Variants in MSH4 observed in about 807,000 individuals in gnomAD.
MSH4 encodes mutS protein homolog 4.
MSH4 carries 106 observed loss-of-function variants against 113.7 expected under a neutral mutation model. The observed-to-expected ratio is 0.93, with a 90% CI of 0.80 to 1.10. The LOEUF (loss-of-function observed/expected upper bound fraction) is 1.10, where lower values mean the gene tolerates loss of function less well. Ranked by LOEUF, MSH4 falls within the 50% of genes least tolerant of loss-of-function variation. The pLI, the probability that MSH4 is intolerant of heterozygous loss-of-function variation, is 0.00. For missense variants in MSH4, 1,061 were observed against 1,093.7 expected, an observed-to-expected ratio of 0.97 and a Z score of 0.42; for synonymous variants, 368 against 380.2, an observed-to-expected ratio of 0.97 and a Z score of 0.37.
intron 9 of MSH4, among the ~76,000 whole-genome samples, chr1:75,870,983 A>G (rs1453145488): frequency 6.6e-6 from 1 of 152,230 alleles, no homozygotes; most frequent in Admixed American, 6.5e-5. Context: ...ATGACAGTTT[A>G]TTAGTCTGTT....
chr1:75,822,543 T>G lies in MSH4; in HGVS notation c.1124T>G (p.Leu375Arg). ...INMRLDCVQE[L>R]LQDEELFFGL... ...ATGAGATTAGATTGTGTTCAAGAAC[T>G]ACTTCAAGATGAGGAACTATTTTTT... is the stretch of plus-strand genomic sequence containing the variant. Residue 375 changes from leucine (L) to arginine (R), a missense_variant, in exon 7 of 20, where the codon CTA becomes CGA. Coordinates refer to ENST00000263187, the MANE Select transcript of MSH4 (RefSeq NM_002440.4). The G allele has an allele frequency of 6.4e-7, 1 of 1,551,258 alleles. No homozygotes were observed. The highest frequency in any genetic ancestry group is 2.2e-5 in the Admixed American group (1 of 46,452).
At chr1:75,911,448 T>A (rs1360825067) in intron 19 of MSH4, among the ~76,000 whole-genome samples, 2 of 152,134 alleles carry the variant, frequency 1.3e-5, no homozygotes, top group Non-Finnish European at 2.9e-5. Context: ...CTCCATCCTA[T>A]TCAAGCTTTT....
intron 18 of MSH4, 52 bp from the exon 19 acceptor site, chr1:75,899,566 A>T (rs566047731): frequency 1.2e-5 from 13 of 1,070,798 alleles, no homozygotes; most frequent in African/African-American, 1.7e-5. Context: ...AAGAAGCATA[A>T]AAATGCCAGC....
At chr1:75,830,047 A>G (rs1275457549) in intron 7 of MSH4, among the ~76,000 whole-genome samples, 3 of 152,110 alleles carry the variant, frequency 2.0e-5, no homozygotes, top group Non-Finnish European at 4.4e-5. Context: ...TTGAAAAAAG[A>G]TGAGACATAT....
rs192192838 is a variant in MSH4 at position 75,829,119 on chromosome 1, A to G, written c.1162+6538A>G. Among the ~76,000 whole-genome samples the G allele has an allele frequency of 1.8e-4, 27 of 152,292 alleles. No homozygotes were observed. The East Asian group carries it at 4.3e-3, about 24-fold the overall frequency. On this transcript the variant is annotated intron_variant, in intron 7 of 19. Transcript: ENST00000263187. ...CGCTTTTCCAATGGCCTTAGCAAAC[A>G]GCACACCAGGAGATTATATCCCGCA...
chr1:75,906,518 T>TATATACATA (rs796548331), intron 19 of MSH4, among the ~76,000 whole-genome samples: 1 of 1,770 alleles, frequency 5.6e-4, no homozygotes, highest in Non-Finnish European at 8.7e-4. Context: ...ATATATAATA[T>TATATACATA]GTATATATTA....
At chr1:75,879,940 CT>C in intron 12 of MSH4, 109 bp from the exon 13 acceptor site, 1 of 629,658 alleles carries the variant, frequency 1.6e-6, no homozygotes, top group South Asian at 2.0e-5. Context: ...GATACCATAT[CT>C]CAAAGAGTAA....
intron 19 of MSH4, among the ~76,000 whole-genome samples, chr1:75,900,067 T>G (rs1652474881): frequency 6.6e-6 from 1 of 152,074 alleles, no homozygotes; most frequent in South Asian, 2.1e-4. Flanking sequence ...TTTTTTATAG[T>G]TTTCAAAGCT....
chr1:75,853,413 C>G (rs1651237416), intron 8 of MSH4, among the ~76,000 whole-genome samples: 1 of 152,088 alleles, frequency 6.6e-6, no homozygotes, highest in African/African-American at 2.4e-5. Flanking sequence ...GGCAGAAATA[C>G]CACAGAAGTG....
chr1:75,848,264 A>G lies in MSH4; in HGVS notation c.1218A>G (p.Pro406=). 6.2e-7 allele frequency: 1 copy of G among 1,601,750 alleles called. No homozygotes were observed. Among genetic ancestry groups the G allele is most frequent in the Non-Finnish European group, 8.5e-7 (1 of 1,169,800 alleles). ...EQLLSVLVQI[P]KQDTVNAAES... ...TTCTTTCTGTTTTAGTCCAAATTCC[A>G]AAGCAAGACACGGTATGTTTTTGTA... The change falls in exon 8 of 20, where the codon CCA becomes CCG. Residue 406 remains proline, a synonymous_variant. Coordinates refer to ENST00000263187, the MANE Select transcript of MSH4 (RefSeq NM_002440.4).
rs760677979 is a variant in MSH4, at chr1:75,878,295, C to T, written c.1517C>T (p.Thr506Ile). The change falls in exon 11 of 20, where the codon ACA becomes ATA. Residue 506 changes from threonine to isoleucine, a missense_variant. By Grantham distance (89) the Thr-to-Ile change is moderately conservative. Coordinates refer to ENST00000263187, the MANE Select transcript of MSH4 (RefSeq NM_002440.4). ...EFLDIARRTY[T>I]EIVDDIAGMI... ...CTTGACATAGCAAGAAGAACATACA[C>T]AGAGATTGTAGATGACATAGCAGGT... 2 of 1,597,692 alleles carry T rather than the reference C, an allele frequency of 1.3e-6. No homozygotes were observed. Among genetic ancestry groups the T allele is most frequent in the Non-Finnish European group, 1.7e-6 (2 of 1,175,870 alleles).
intron 7 of MSH4, among the ~76,000 whole-genome samples, chr1:75,844,328 T>A (rs955855601): frequency 1.6e-4 from 24 of 152,316 alleles, no homozygotes; most frequent in African/African-American, 5.5e-4. Flanking sequence ...TTTATATTTA[T>A]TTTTATTAAT....
At chr1:75,820,752 T>C (rs952168460) in intron 6 of MSH4, among the ~76,000 whole-genome samples, 3 of 152,104 alleles carry the variant, frequency 2.0e-5, no homozygotes, top group Admixed American at 6.6e-5. Flanking sequence ...CAATTTTGTT[T>C]ATCTTTTCAA....
In MSH4 at chr1:75,886,357, T is replaced by C. The variant is rs1346789750; in HGVS notation, c.2107+2536T>C. 1.3e-4 allele frequency among the ~76,000 whole-genome samples: 6 copies of C among 46,086 alleles called. 2 individuals carry two copies. Among genetic ancestry groups the C allele is most frequent in the Non-Finnish European group, 2.7e-4 (6 of 22,584 alleles). 30.2% of individuals were successfully genotyped at this position (46,086 alleles called of 152,430 possible). On this transcript the variant is annotated intron_variant, in intron 15 of 19. Coordinates refer to ENST00000263187, the MANE Select transcript of MSH4 (RefSeq NM_002440.4). ...ATGATGTATTATATATTATATATGG[T>C]ATATATGATGTATTATATATTATAT...
intron 19 of MSH4, among the ~76,000 whole-genome samples, chr1:75,906,245 C>A (rs1023458647): frequency 6.7e-6 from 1 of 150,224 alleles, no homozygotes; most frequent in Non-Finnish European, 1.5e-5. Context: ...TTTTTTTAAT[C>A]CATTTAGACA....
intron 7 of MSH4, among the ~76,000 whole-genome samples, chr1:75,829,193 C>T (rs1650626028): frequency 6.6e-6 from 1 of 152,154 alleles, no homozygotes; most frequent in East Asian, 1.9e-4. Context: ...ACTGCTAGCA[C>T]AGCAGTCTGA....
chr1:75,875,186 G>A (rs1402236947), intron 9 of MSH4, among the ~76,000 whole-genome samples: 1 of 152,164 alleles, frequency 6.6e-6, no homozygotes, highest in African/African-American at 2.4e-5. Flanking sequence ...GAGCCATGGC[G>A]CCAGGCCAAT....
At chr1:75,881,154 C>T (rs893205901) in intron 13 of MSH4, 92 bp from the exon 14 acceptor site, 1 of 966,058 alleles carries the variant, frequency 1.0e-6, no homozygotes, top group Non-Finnish European at 1.5e-6. Context: ...TATTATTTTA[C>T]TTCAGGCAAT....
chr1:75,819,504 T>A (rs1047545646), intron 6 of MSH4, among the ~76,000 whole-genome samples: 19 of 152,086 alleles, frequency 1.2e-4, no homozygotes, highest in African/African-American at 4.6e-4. Flanking sequence ...AATAAATAAA[T>A]AAAAAGTTAT....
Sources: gnomAD v4.1 joint callset for allele counts (sites outside exome capture counted in the v4.1 genomes callset) on GRCh38, gnomAD v4.1.1 for gene constraint, MANE v1.5 for transcripts, NCBI Gene and HGNC (gene_info 2026-07-23, HGNC 2026-07-21) for gene names.